The following IL1RAPL2 variants were observed in gnomAD, a reference collection of about 807,000 sequenced individuals.
The protein encoded by IL1RAPL2 is X-linked interleukin-1 receptor accessory protein-like 2.
Under a neutral mutation model 44.1 loss-of-function variants are expected in IL1RAPL2, and 3 were observed. The observed-to-expected ratio is 0.07, with a 90% CI of 0.03 to 0.18. IL1RAPL2 has a LOEUF of 0.18. IL1RAPL2 is among the 10% of genes least tolerant of loss of function. IL1RAPL2 has a pLI of 1.00. For synonymous variants in IL1RAPL2, 181 were observed against 178.8 expected (o/e 1.01, Z -0.10); for missense variants, 391 against 496.4 (o/e 0.79, Z 2.02).
At chrX:104,650,303 T>G (rs1441815372) in intron 1 of IL1RAPL2, among the ~76,000 whole-genome samples, 1 of 112,049 alleles carries the variant, frequency 8.9e-6, no homozygotes, top group African/African-American at 3.2e-5. Flanking sequence ...GTACACTTTC[T>G]TCACACAGCA....
chrX:105,738,572 T>C (rs758274683), intron 7 of IL1RAPL2, among the ~76,000 whole-genome samples: 41 of 111,644 alleles, frequency 3.7e-4, no homozygotes, highest in South Asian at 1.1e-3. Context: ...GAAAAATATA[T>C]GTATTTAAGA....
At chrX:105,006,273 G>A (rs1034670503) in intron 2 of IL1RAPL2, among the ~76,000 whole-genome samples, 1 of 110,091 alleles carries the variant, frequency 9.1e-6, no homozygotes, top group Non-Finnish European at 1.9e-5. Context: ...GAAAGGAGGG[G>A]GAAAGCAAAT....
intron 6 of IL1RAPL2, among the ~76,000 whole-genome samples, chrX:105,683,606 G>T (rs1165108472): frequency 9.1e-6 from 1 of 109,916 alleles, no homozygotes; most frequent in Admixed American, 9.7e-5. Flanking sequence ...GAGATTTGAA[G>T]AGTAAAAAAA....
intron 6 of IL1RAPL2, among the ~76,000 whole-genome samples, chrX:105,696,426 A>G (rs948285620): frequency 9.0e-6 from 1 of 111,513 alleles, no homozygotes; most frequent in African/African-American, 3.3e-5. Context: ...GATCTGGACT[A>G]TGGTAAATAG....
intron 5 of IL1RAPL2, among the ~76,000 whole-genome samples, chrX:105,378,876 T>C (rs1460187222): frequency 8.9e-6 from 1 of 112,092 alleles, no homozygotes; most frequent in Non-Finnish European, 1.9e-5. Flanking sequence ...GAATAGCTAC[T>C]ATGTGCGGAG....
At chrX:105,246,708 C>G (rs930893311) in intron 4 of IL1RAPL2, among the ~76,000 whole-genome samples, 2 of 111,475 alleles carry the variant, frequency 1.8e-5, no homozygotes, top group African/African-American at 3.3e-5. Flanking sequence ...GAAAAGAACT[C>G]AGATAAGACA....
At chrX:105,083,659 A>G (rs919832709) in intron 2 of IL1RAPL2, among the ~76,000 whole-genome samples, 3 of 112,268 alleles carry the variant, frequency 2.7e-5, no homozygotes, top group Non-Finnish European at 5.6e-5. Context: ...GTGGGAGCCA[A>G]TATTCAACAT....
Position 105,767,795 on chromosome X carries a change from A to G in IL1RAPL2, c.*134A>G. On this transcript the variant is annotated 3_prime_UTR_variant, in exon 11 of 11. Transcript: ENST00000372582. The stretch of plus-strand genomic sequence containing the variant: ...AGGTACAAAAATGGCTTTTATACTT[A>G]AATATTTTTGTTTACATTTCCAGAA... 1 of 481,184 alleles carries G rather than the reference A, an allele frequency of 2.1e-6. No individual in the cohort carries two copies. Among genetic ancestry groups the G allele is most frequent in the Non-Finnish European group, 3.5e-6 (1 of 288,989 alleles). The allele number at this position is 481,184 out of a possible 1,213,427, so 39.7% of individuals were successfully genotyped here. A position where few individuals can be genotyped will look rare whatever the true frequency, so the allele number is the denominator to read the frequency against.
At chrX:105,011,745 G>T (rs761291827) in intron 2 of IL1RAPL2, among the ~76,000 whole-genome samples, 1 of 110,436 alleles carries the variant, frequency 9.1e-6, no homozygotes, top group Admixed American at 9.7e-5. Context: ...CCATTTTTTG[G>T]CTAATGATGC....
chrX:104,669,402 TC>T (rs1308397114), intron 2 of IL1RAPL2, among the ~76,000 whole-genome samples: 1 of 111,214 alleles, frequency 9.0e-6, no homozygotes, highest in Non-Finnish European at 1.9e-5. Context: ...CATCATTATC[TC>T]ATTTTCCTCT....
chrX:105,292,559 T>C (rs1402709618), intron 5 of IL1RAPL2, among the ~76,000 whole-genome samples: 1 of 112,035 alleles, frequency 8.9e-6, no homozygotes, highest in African/African-American at 3.2e-5. Context: ...GATATGATAA[T>C]TTAGTTGTCT....
At chrX:104,986,116 C>T (rs1350164490) in intron 2 of IL1RAPL2, among the ~76,000 whole-genome samples, 1 of 111,772 alleles carries the variant, frequency 8.9e-6, no homozygotes, top group Non-Finnish European at 1.9e-5. Context: ...TCTCATATTC[C>T]TTTTCCATTT....
Position 105,622,278 on chromosome X carries a change from AAATAAT to A in IL1RAPL2, c.773-95060_773-95055del, listed in dbSNP as rs374952697. Among the ~76,000 whole-genome samples, 118 of 99,363 alleles carry A rather than the reference AAATAAT, an allele frequency of 1.2e-3. 1 individual carries two copies. The highest frequency in any genetic ancestry group is 3.4e-3 in the African/African-American group (93 of 26,979). 86.3% of individuals were successfully genotyped at this position (99,363 alleles called of 115,157 possible). ...TATAAGCTGAATTAAAAGTCAATAAAAATAATAATAATAATAATAATAATAATAATA... is the reference window on the plus strand; with the variant it reads ...TATAAGCTGAATTAAAAGTCAATAAAAATAATAATAATAATAATAATAATA... On this transcript the variant is annotated intron_variant, in intron 6 of 10. Transcript: ENST00000372582.
rs368955481 is a variant in IL1RAPL2 at position 104,632,495 on chromosome X, A to G, written c.-19-26400A>G. On this transcript the variant is annotated intron_variant, in intron 1 of 10. Transcript: ENST00000372582. ...ATGAGCATGGAATGTTCTTCCATTT[A>G]TTTGTATCCTCTTTTATTTCCTTGA... is the stretch of plus-strand genomic sequence containing the variant. 1.8e-3 allele frequency among the ~76,000 whole-genome samples: 198 copies of G among 110,572 alleles called. 2 individuals carry two copies. Among genetic ancestry groups the G allele is most frequent in the African/African-American group, 6.1e-3 (186 of 30,459 alleles).
chrX:105,427,843 G>A (rs1164487051), intron 5 of IL1RAPL2, among the ~76,000 whole-genome samples: 2 of 111,704 alleles, frequency 1.8e-5, no homozygotes, highest in African/African-American at 6.5e-5. Flanking sequence ...AATGGTGATT[G>A]AGTTTCTGAT....
At chrX:104,842,555 A>G (rs1282535314) in intron 2 of IL1RAPL2, among the ~76,000 whole-genome samples, 1 of 111,423 alleles carries the variant, frequency 9.0e-6, no homozygotes, top group Non-Finnish European at 1.9e-5. Flanking sequence ...GAGGCTGATG[A>G]CCTTTGGATG....
intron 2 of IL1RAPL2, among the ~76,000 whole-genome samples, chrX:104,999,941 C>T (rs2030822633): frequency 9.4e-6 from 1 of 106,754 alleles, no homozygotes; most frequent in African/African-American, 3.7e-5. Flanking sequence ...TATTACCCCT[C>T]TCACTCATAA....
At chrX:105,423,279 A>G (rs771541774) in intron 5 of IL1RAPL2, among the ~76,000 whole-genome samples, 1 of 111,963 alleles carries the variant, frequency 8.9e-6, no homozygotes, top group East Asian at 2.8e-4. Context: ...TAGGTCAGAA[A>G]AAGACATAAT....
chrX:105,530,710 A>T, intron 6 of IL1RAPL2, among the ~76,000 whole-genome samples: 1 of 108,212 alleles, frequency 9.2e-6, no homozygotes, highest in Non-Finnish European at 1.9e-5. Flanking sequence ...CACATTAGCC[A>T]TCCCTTCCCC....
Sources: gnomAD v4.1 joint callset for allele counts (sites outside exome capture counted in the v4.1 genomes callset) on GRCh38, gnomAD v4.1.1 for gene constraint, MANE v1.5 for transcripts, NCBI Gene and HGNC (gene_info 2026-07-23, HGNC 2026-07-21) for gene names.